SYTL4: variants seen among roughly 807,000 people sequenced by gnomAD.
The protein encoded by SYTL4 is synaptotagmin-like protein 4.
SYTL4 carries 16 observed loss-of-function variants against 52.7 expected under a neutral mutation model. The observed-to-expected ratio is 0.30, with a 90% CI of 0.21 to 0.46. The LOEUF (loss-of-function observed/expected upper bound fraction) is 0.46, where lower values mean the gene tolerates loss of function less well. SYTL4 is among the 20% of genes least tolerant of loss of function. The pLI is 1.00. For missense variants in SYTL4, 423 were observed against 519.9 expected (o/e 0.81, Z 1.81); for synonymous variants, 160 against 186.6 (o/e 0.86, Z 1.16).
rs184473487 is a variant in SYTL4, at chrX:100,720,485, C to T, written c.-240+10933G>A. Among the ~76,000 whole-genome samples, 389 of 112,163 alleles carry T rather than the reference C, an allele frequency of 3.5e-3. 3 individuals are homozygous for T. Among genetic ancestry groups the T allele is most frequent in the African/African-American group, 0.012 (379 of 30,876 alleles). On this transcript the variant is annotated intron_variant, in intron 2 of 19. Transcript: ENST00000372989. ...GTCAACAAGCTTTGATAATGCAGCA[C>T]CCCCGCAGGGAAGACCCTCTTCTCC...
intron 2 of SYTL4, among the ~76,000 whole-genome samples, chrX:100,726,290 T>C (rs2147846043): frequency 9.0e-6 from 1 of 111,371 alleles, no homozygotes; most frequent in East Asian, 2.8e-4. Context: ...ATTTATGGTG[T>C]ACAGCATGAT....
In SYTL4 at chrX:100,724,697, C is replaced by A. The variant is rs764209689; in HGVS notation, c.-240+6721G>T. Among the ~76,000 whole-genome samples the A allele has an allele frequency of 1.4e-3, 147 of 103,368 alleles. 1 individual carries two copies. The highest frequency in any genetic ancestry group is 4.4e-3 in the Admixed American group (42 of 9,611). The allele number at this position is 103,368 out of a possible 115,157, so 89.8% of individuals were successfully genotyped here. A position where few individuals can be genotyped will look rare whatever the true frequency, so the allele number is the denominator to read the frequency against. Reference sequence around the variant, plus strand: ...GCATGCTCGTTAAGAGTCATCACCACTCCCTAATCTCAAGTACCCAGGGAC... The same window carrying A: ...GCATGCTCGTTAAGAGTCATCACCAATCCCTAATCTCAAGTACCCAGGGAC... On this transcript the variant is annotated intron_variant, in intron 2 of 19. Transcript: ENST00000372989.
rs375861902 is a variant in SYTL4, at chrX:100,689,932, C to T, written c.836G>A (p.Arg279His). The T allele has an allele frequency of 5.1e-5, 61 of 1,205,978 alleles. No individual in the cohort carries two copies. The highest frequency in any genetic ancestry group is 1.5e-4 in the East Asian group (5 of 33,725). ...ACTTTCATGTACCACATCTTCTGGG[C>T]GAAGATCTATCACAGATTTAGTGTA... ...SEYTKSVIDL[R>H]PEDVVHESGS... Residue 279 changes from arginine (R) to histidine (H), a missense_variant, in exon 12 of 20, where the codon CGC becomes CAC. Coordinates refer to ENST00000372989, the MANE Select transcript of SYTL4 (RefSeq NM_001370165.1).
In SYTL4 at chrX:100,703,856, G is replaced by T. The variant is rs1276353829; in HGVS notation, c.-163-671C>A. On this transcript the variant is annotated intron_variant, in intron 3 of 19. Coordinates refer to ENST00000372989, the MANE Select transcript of SYTL4 (RefSeq NM_001370165.1). ...ACAATAAAAAATGATCTTTTATAAAGAATTTATCTAAATATTTGTATATGC... is the reference window on the plus strand; with the variant it reads ...ACAATAAAAAATGATCTTTTATAAATAATTTATCTAAATATTTGTATATGC... Among the ~76,000 whole-genome samples the T allele has an allele frequency of 3.6e-5, 4 of 111,998 alleles. No individual in the cohort carries two copies. The Admixed American group carries it at 3.8e-4, about 11-fold the overall frequency.
chrX:100,725,582 C>G (rs1018167108), intron 2 of SYTL4, among the ~76,000 whole-genome samples: 1 of 112,349 alleles, frequency 8.9e-6, no homozygotes, highest in East Asian at 2.8e-4. Flanking sequence ...TCTAAGAAAA[C>G]TGAACTTCAC....
At chrX:100,723,112 T>C (rs2084374541) in intron 2 of SYTL4, among the ~76,000 whole-genome samples, 1 of 111,317 alleles carries the variant, frequency 9.0e-6, no homozygotes, top group East Asian at 2.8e-4. Context: ...TACACACATA[T>C]TAGGGAATAT....
intron 8 of SYTL4, among the ~76,000 whole-genome samples, chrX:100,693,325 A>G (rs1471926731): frequency 8.9e-6 from 1 of 112,790 alleles, no homozygotes; most frequent in African/African-American, 3.2e-5. Flanking sequence ...GCCCAAAACC[A>G]AAGCCCTAAT....
At chrX:100,684,683 T>C (rs1040901658) in intron 16 of SYTL4, 2 of 12,042 alleles carry the variant, frequency 1.7e-4, no homozygotes, top group African/African-American at 1.8e-4. Context: ...TAATACAAAA[T>C]TTCTTTCTTT....
chrX:100,724,934 G>C (rs1602944717), intron 2 of SYTL4, among the ~76,000 whole-genome samples: 1 of 106,234 alleles, frequency 9.4e-6, no homozygotes, highest in East Asian at 2.9e-4. Flanking sequence ...GACACTGAAA[G>C]CATATTAAAT....
intron 2 of SYTL4, 57 bp from the exon 3 acceptor site, chrX:100,704,943 C>T (rs765547237): frequency 1.8e-5 from 2 of 112,007 alleles, no homozygotes; most frequent in Non-Finnish European, 3.8e-5. Context: ...TTCCTGAAAC[C>T]TCAATATTTC....
At chrX:100,726,438 G>A (rs761839319) in intron 2 of SYTL4, among the ~76,000 whole-genome samples, 1 of 110,140 alleles carries the variant, frequency 9.1e-6, no homozygotes, top group African/African-American at 3.3e-5. Context: ...TCTTGTTGGG[G>A]GCGGAGGGGC....
Position 100,716,450 on chromosome X carries a change from C to CAAAAA in SYTL4, c.-239-11569_-239-11565dup, listed in dbSNP as rs200368843. ...GGGCAACAAGAGCAAAACTCCATCT[C>CAAAAA]AAAAAAAAAAAAAAAAAAAAAAAAA... On this transcript the variant is annotated intron_variant, in intron 2 of 19. Transcript: ENST00000372989. Among the ~76,000 whole-genome samples the CAAAAA allele has an allele frequency of 8.4e-3, 217 of 25,747 alleles. 2 individuals carry two copies. The highest frequency in any genetic ancestry group is 0.012 in the Admixed American group (19 of 1,617). 22.4% of individuals were successfully genotyped at this position (25,747 alleles called of 115,157 possible).
intron 2 of SYTL4, among the ~76,000 whole-genome samples, chrX:100,727,289 T>C (rs112895621): frequency 5.3e-5 from 6 of 112,189 alleles, no homozygotes; most frequent in African/African-American, 1.9e-4. Flanking sequence ...ACCCAAAAGA[T>C]AAATGTGCAA....
intron 8 of SYTL4, among the ~76,000 whole-genome samples, chrX:100,699,621 T>G (rs1297358498): frequency 2.1e-5 from 2 of 97,372 alleles, no homozygotes; most frequent in Admixed American, 2.3e-4. Flanking sequence ...CCCGAGTAGC[T>G]GGGACTACAG....
At chrX:100,677,074 G>A (rs1423235371) in intron 19 of SYTL4, among the ~76,000 whole-genome samples, 4 of 111,904 alleles carry the variant, frequency 3.6e-5, no homozygotes, top group Non-Finnish European at 5.6e-5. Context: ...ACATTATGAT[G>A]TAAATAAACA....
chrX:100,723,917 G>A (rs1191537270), intron 2 of SYTL4, among the ~76,000 whole-genome samples: 1 of 104,506 alleles, frequency 9.6e-6, no homozygotes, highest in Admixed American at 9.6e-5. Flanking sequence ...CGGGAGGGAG[G>A]TGGGGGGTCA....
intron 16 of SYTL4, among the ~76,000 whole-genome samples, chrX:100,683,683 T>G (rs971379386): frequency 8.9e-6 from 1 of 112,358 alleles, no homozygotes; most frequent in East Asian, 2.8e-4. Flanking sequence ...TTAAAATCGA[T>G]ATATAATATG....
intron 16 of SYTL4, 28 bp downstream of exon 16, chrX:100,685,962 A>G: frequency 8.5e-7 from 1 of 1,169,794 alleles, no homozygotes; most frequent in South Asian, 2.0e-5. Flanking sequence ...CTCAGATCCA[A>G]ACTGCAGGAG....
At chrX:100,730,153 A>C (rs1361287511) in intron 2 of SYTL4, among the ~76,000 whole-genome samples, 1 of 110,811 alleles carries the variant, frequency 9.0e-6, no homozygotes, top group Non-Finnish European at 1.9e-5. Flanking sequence ...CTTCAGGACA[A>C]TTACCACAGA....
Sources: gnomAD v4.1 joint callset for allele counts (sites outside exome capture counted in the v4.1 genomes callset) on GRCh38, gnomAD v4.1.1 for gene constraint, MANE v1.5 for transcripts, NCBI Gene and HGNC (gene_info 2026-07-23, HGNC 2026-07-21) for gene names.